PIGN: variants seen among roughly 807,000 people sequenced by gnomAD.
The protein encoded by PIGN is GPI ethanolamine phosphate transferase 1.
PIGN carries 117 observed loss-of-function variants against 125.4 expected under a neutral mutation model. The ratio of observed to expected loss-of-function variants is 0.93; its 90% CI spans 0.80 to 1.09. PIGN has a LOEUF of 1.09. PIGN is among the 50% of genes least tolerant of loss of function. The pLI is 0.00. For missense variants in PIGN, 1,075 were observed against 1,094.9 expected (o/e 0.98, Z 0.26); for synonymous variants, 392 against 377.8 (o/e 1.04, Z -0.44).
rs2030366526 is a variant in PIGN, at chr18:62,041,442, C to A, written c.*4414G>T. Reference sequence around the variant, plus strand: ...AAAAAAATTCAATCAACATACAACACCCTATTTTCAAAACTATGACAAATT... The same window carrying A: ...AAAAAAATTCAATCAACATACAACAACCTATTTTCAAAACTATGACAAATT... On this transcript the variant is annotated 3_prime_UTR_variant, in exon 31 of 31. Coordinates refer to ENST00000640252, the MANE Select transcript of PIGN (RefSeq NM_176787.5). 6.6e-6 allele frequency: 1 copy of A among 152,138 alleles called. No individual in the cohort carries two copies. Among genetic ancestry groups the A allele is most frequent in the South Asian group, 2.1e-4 (1 of 4,824 alleles). 9.4% of individuals were successfully genotyped at this position (152,138 alleles called of 1,614,324 possible). A position where few individuals can be genotyped will look rare whatever the true frequency, so the allele number is the denominator to read the frequency against.
intron 27 of PIGN, among the ~76,000 whole-genome samples, 189 bp downstream of exon 27, chr18:62,084,342 A>G (rs2033587910): frequency 6.6e-6 from 1 of 152,200 alleles, no homozygotes; most frequent in African/African-American, 2.4e-5. Context: ...TTGAAGTCAA[A>G]TGCACTTATG....
At chr18:62,087,957 A>G (rs1298598020) in intron 25 of PIGN, among the ~76,000 whole-genome samples, 1 of 152,184 alleles carries the variant, frequency 6.6e-6, no homozygotes, top group African/African-American at 2.4e-5. Flanking sequence ...TGGTGACTAT[A>G]GTCAGTAATA....
At chr18:62,081,416 T>C (rs1444612363) in intron 28 of PIGN, among the ~76,000 whole-genome samples, 2 of 152,134 alleles carry the variant, frequency 1.3e-5, no homozygotes, top group Non-Finnish European at 1.5e-5. Flanking sequence ...GACATTAAAT[T>C]TGATGAGTCA....
chr18:62,150,251 T>C (rs929136875), intron 7 of PIGN, among the ~76,000 whole-genome samples: 1 of 152,232 alleles, frequency 6.6e-6, no homozygotes, highest in Non-Finnish European at 1.5e-5. Flanking sequence ...CCCAAAGTGC[T>C]GGGATTACAG....
intron 28 of PIGN, among the ~76,000 whole-genome samples, chr18:62,082,189 T>C (rs1019951490): frequency 1.3e-5 from 2 of 152,150 alleles, no homozygotes; most frequent in African/African-American, 4.8e-5. Context: ...TCCTACTCCA[T>C]TTGTCAAATG....
chr18:62,149,775 T>C (rs1254598104), intron 7 of PIGN, among the ~76,000 whole-genome samples: 1 of 152,152 alleles, frequency 6.6e-6, no homozygotes, highest in Non-Finnish European at 1.5e-5. Flanking sequence ...TGCCCTGAAG[T>C]TAGAGGAAAA....
At chr18:62,181,677 G>T (rs2037722415) in intron 1 of PIGN, among the ~76,000 whole-genome samples, 1 of 152,116 alleles carries the variant, frequency 6.6e-6, no homozygotes, top group African/African-American at 2.4e-5. Context: ...CTCCTAAAGT[G>T]CTGGGATTAC....
intron 28 of PIGN, among the ~76,000 whole-genome samples, chr18:62,076,323 G>A (rs2033171225): frequency 6.6e-6 from 1 of 152,128 alleles, no homozygotes; most frequent in Non-Finnish European, 1.5e-5. Context: ...TTCTTCAGGT[G>A]TTTTGCTCAC....
intron 1 of PIGN, among the ~76,000 whole-genome samples, chr18:62,178,067 A>C (rs1466194061): frequency 6.6e-6 from 1 of 152,102 alleles, no homozygotes; most frequent in African/African-American, 2.4e-5. Flanking sequence ...TACATTGGTC[A>C]CTCAGGAAAC....
intron 23 of PIGN, among the ~76,000 whole-genome samples, chr18:62,023,765 G>C (rs1187481840): frequency 6.6e-6 from 1 of 152,218 alleles, no homozygotes; most frequent in African/African-American, 2.4e-5. Context: ...ACACTTTGCT[G>C]TCTGTGCATG....
At chr18:62,143,247 T>C (rs553627380) in intron 11 of PIGN, 59 bp downstream of exon 11, 2 of 861,124 alleles carry the variant, frequency 2.3e-6, no homozygotes, top group South Asian at 3.1e-5. Context: ...ATAGTTTTTG[T>C]CTAACCTTCT....
At chr18:62,040,356 C>T (rs1482362125), downstream of PIGN, among the ~76,000 whole-genome samples, 1 of 152,182 alleles carries the variant, frequency 6.6e-6, no homozygotes, top group Non-Finnish European at 1.5e-5. Context: ...CTTCTCTTGG[C>T]TTTGACAGTT....
chr18:62,020,501 A>G (rs2030039822), intron 23 of PIGN, among the ~76,000 whole-genome samples: 1 of 116,442 alleles, frequency 8.6e-6, no homozygotes, highest in Non-Finnish European at 2.1e-5. Context: ...TAAAGACTTT[A>G]AAACAGTTTT....
intron 21 of PIGN, 82 bp downstream of exon 21, chr18:62,102,712 T>C (rs2034491630): frequency 1.5e-6 from 1 of 651,520 alleles, no homozygotes; most frequent in Non-Finnish European, 2.5e-6. Flanking sequence ...TAATGGCATT[T>C]TATGAACATA....
chr18:62,160,441 G>A (rs929809084), intron 4 of PIGN, among the ~76,000 whole-genome samples: 22 of 151,910 alleles, frequency 1.4e-4, no homozygotes, highest in Admixed American at 9.8e-4. Flanking sequence ...TCTATATTTT[G>A]TACTTAAACA....
At position 62,107,066 on chromosome 18, in the gene PIGN, G is replaced by A; in HGVS notation, c.1594C>T (p.Leu532Phe). ...GGATAGGTCAACACTGATACAACAA[G>A]GTCCTGAATAACTTGAAATCTGTTT... is the stretch of plus-strand genomic sequence containing the variant. ...VLREFQVIQD[L>F]VVSVLTYPLS... Residue 532 changes from leucine to phenylalanine, a missense_variant, in exon 18 of 31, where the codon CTT (leucine) becomes TTT (phenylalanine). Coordinates refer to ENST00000640252, the MANE Select transcript of PIGN (RefSeq NM_176787.5). 3 of 1,582,114 alleles carry A rather than the reference G, an allele frequency of 1.9e-6. No homozygotes were observed. The highest frequency in any genetic ancestry group is 2.6e-6 in the Non-Finnish European group (3 of 1,162,964).
chr18:62,182,366 C>G (rs2037748261), intron 1 of PIGN, among the ~76,000 whole-genome samples: 1 of 152,224 alleles, frequency 6.6e-6, no homozygotes, highest in Non-Finnish European at 1.5e-5. Flanking sequence ...TAACATTTCC[C>G]ATGAGCCTTG....
At chr18:62,152,460 G>A (rs946568405) in intron 7 of PIGN, among the ~76,000 whole-genome samples, 2 of 151,960 alleles carry the variant, frequency 1.3e-5, no homozygotes. Flanking sequence ...TTTTAAAAGC[G>A]CCCTGGCTGA....
At chr18:62,144,741 T>C (rs2036257757) in intron 10 of PIGN, among the ~76,000 whole-genome samples, 1 of 152,208 alleles carries the variant, frequency 6.6e-6, no homozygotes, top group South Asian at 2.1e-4. Context: ...TATATGCAGG[T>C]AAAATTCATA....
Sources: gnomAD v4.1 joint callset for allele counts (sites outside exome capture counted in the v4.1 genomes callset) on GRCh38, gnomAD v4.1.1 for gene constraint, MANE v1.5 for transcripts, NCBI Gene and HGNC (gene_info 2026-07-23, HGNC 2026-07-21) for gene names.